The following RGS4 variants were observed in gnomAD, a reference collection of about 807,000 sequenced individuals.
RGS4 encodes regulator of G protein signaling 4.
RGS4 carries 15 observed loss-of-function variants against 21.6 expected under a neutral mutation model. That is an observed-to-expected ratio of 0.69 (90% CI 0.46 to 1.07). The LOEUF is 1.07. RGS4 is among the 50% of genes least tolerant of loss of function. The pLI is 0.00. For synonymous variants in RGS4, 94 were observed against 85.5 expected (o/e 1.10, Z -0.55); for missense variants, 237 against 239.0 (o/e 0.99, Z 0.06).
chr1:163,075,368 C>T lies in RGS4; in HGVS notation c.*808C>T, dbSNP rs886672068. ...CATGCTTGATTTGACCACTGACAGC[C>T]TCCACCTTGAGCACTATTCTAAGGA... On this transcript the variant is annotated 3_prime_UTR_variant, in exon 5 of 5. Coordinates refer to ENST00000367909, the MANE Select transcript of RGS4 (RefSeq NM_005613.6). The T allele has an allele frequency of 3.3e-5, 5 of 152,416 alleles. No homozygotes were observed. Among genetic ancestry groups the T allele is most frequent in the Admixed American group, 3.3e-4 (5 of 15,288 alleles). The allele number at this position is 152,416 out of a possible 1,614,324, so 9.4% of individuals were successfully genotyped here.
Position 163,072,853 on chromosome 1 carries a change from G to C in RGS4, c.198G>C (p.Leu66=). The C allele has an allele frequency of 6.2e-7, 1 of 1,613,060 alleles. No homozygotes were observed. The highest frequency in any genetic ancestry group is 8.5e-7 in the Non-Finnish European group (1 of 1,179,358). Residue 66 remains leucine (L), a synonymous_variant, in exon 3 of 5, where the codon CTG becomes CTC. Coordinates refer to ENST00000367909, the MANE Select transcript of RGS4 (RefSeq NM_005613.6). ...AATGGGCTGAATCACTGGAAAACCT[G>C]ATTAGTCATGAATGTAAGTCTGACA... The part of the protein sequence containing the change: ...VKKWAESLEN[L]ISHECGLAAF...
intron 4 of RGS4, 125 bp from the exon 5 acceptor site, chr1:163,074,196 C>T (rs1488368905): frequency 8.2e-7 from 1 of 1,224,780 alleles, no homozygotes; most frequent in African/African-American, 1.5e-5. Context: ...ACCCCAATGT[C>T]ACTTTTGTTT....
chr1:163,070,206 T>C (rs1655255665), intron 1 of RGS4, among the ~76,000 whole-genome samples: 1 of 152,188 alleles, frequency 6.6e-6, no homozygotes, highest in Non-Finnish European at 1.5e-5. Flanking sequence ...TTTGTTAATA[T>C]ACTCCCTTGA....
intron 3 of RGS4, among the ~76,000 whole-genome samples, chr1:163,073,144 C>G (rs1024063737): frequency 5.3e-5 from 8 of 152,174 alleles, no homozygotes; most frequent in Admixed American, 3.3e-4. Context: ...TACCTTCTTG[C>G]AAAATCAATC....
At chr1:163,069,168 T>C (rs1655217353), upstream of RGS4, 1 of 1,499,614 alleles carries the variant, frequency 6.7e-7, no homozygotes, top group South Asian at 1.4e-5. Context: ...TTTTTTCCCA[T>C]ATCCCTACTT....
chr1:163,074,723 A>T lies in RGS4; in HGVS notation c.*163A>T, dbSNP rs568575440. The T allele has an allele frequency of 3.8e-6, 4 of 1,043,874 alleles. No homozygotes were observed. Among genetic ancestry groups the T allele is most frequent in the Non-Finnish European group, 5.8e-6 (4 of 690,000 alleles). The allele number at this position is 1,043,874 out of a possible 1,614,324, so 64.7% of individuals were successfully genotyped here. On this transcript the variant is annotated 3_prime_UTR_variant, in exon 5 of 5. Coordinates refer to ENST00000367909, the MANE Select transcript of RGS4 (RefSeq NM_005613.6). ...TCACTTCTACGCATAAACTAGATATAGCTTTTGGTGTTTGAGTGTTCATCA... is the reference window on the plus strand; with the variant it reads ...TCACTTCTACGCATAAACTAGATATTGCTTTTGGTGTTTGAGTGTTCATCA...
At position 163,076,354 on chromosome 1, in the gene RGS4, C is replaced by A. The variant is rs1186685501; in HGVS notation, c.*1794C>A. On this transcript the variant is annotated 3_prime_UTR_variant, in exon 5 of 5. Coordinates refer to ENST00000367909, the MANE Select transcript of RGS4 (RefSeq NM_005613.6). ...AAAGATGCAGGTTTTCTAATTGTAC[C>A]CTTCTTGTCTCTCTGGCAATCTTGC... 6.6e-6 allele frequency: 1 copy of A among 152,466 alleles called. No individual in the cohort carries two copies. The highest frequency in any genetic ancestry group is 1.5e-5 in the Non-Finnish European group (1 of 68,004). The allele number at this position is 152,466 out of a possible 1,614,324, so 9.4% of individuals were successfully genotyped here.
chr1:163,069,047 T>G, upstream of RGS4: 1 of 1,555,008 alleles, frequency 6.4e-7, no homozygotes, highest in Non-Finnish European at 8.7e-7. Context: ...ACTTCCTTGA[T>G]ATTTTTTTTT....
upstream of RGS4, chr1:163,069,001 C>T (rs1429185355): frequency 6.2e-7 from 1 of 1,601,088 alleles, no homozygotes. Context: ...AAGTAAGCTC[C>T]AGAATTCCTG....
chr1:163,073,456 G>A lies in RGS4; in HGVS notation c.212G>A (p.Cys71Tyr), dbSNP rs754912049. 5 of 1,572,428 alleles carry A rather than the reference G, an allele frequency of 3.2e-6. No homozygotes were observed. Among genetic ancestry groups the A allele is most frequent in the East Asian group, 2.3e-5 (1 of 44,212 alleles). The change falls in exon 4 of 5, where the codon TGT (cysteine) becomes TAT (tyrosine). Residue 71 changes from cysteine (C) to tyrosine (Y), a missense_variant and splice_region_variant. Coordinates refer to ENST00000367909, the MANE Select transcript of RGS4 (RefSeq NM_005613.6). Reference protein sequence around the residue: ...ESLENLISHECGLAAFKAFLK... With the variant: ...ESLENLISHEYGLAAFKAFLK... ...TGTGGTCCTTTCTCCTGTATCATAGGTGGGCTGGCAGCTTTCAAAGCTTTC... is the reference window on the plus strand; with the variant it reads ...TGTGGTCCTTTCTCCTGTATCATAGATGGGCTGGCAGCTTTCAAAGCTTTC...
chr1:163,073,313 C>T (rs1189283079), intron 3 of RGS4, 143 bp from the exon 4 acceptor site: 1 of 622,696 alleles, frequency 1.6e-6, no homozygotes, highest in East Asian at 2.9e-5. Context: ...TACCTGACTC[C>T]AGGTGACTTG....
rs758263807 is a variant in RGS4, at chr1:163,072,886, G to T, written c.211+20G>T. The T allele has an allele frequency of 6.2e-7, 1 of 1,603,488 alleles. No homozygotes were observed. Among genetic ancestry groups the T allele is most frequent in the Non-Finnish European group, 8.5e-7 (1 of 1,170,992 alleles). ...ATGAATGTAAGTCTGACAGCAACCT[G>T]GGATGAGGTACTCTGGATAAGACAA... On this transcript the variant is annotated intron_variant, in intron 3 of 4. Transcript: ENST00000367909.
chr1:163,069,157 A>AT (rs1571157908), upstream of RGS4: 14 of 1,495,982 alleles, frequency 9.4e-6, no homozygotes, highest in East Asian at 3.2e-4. Context: ...CATTGAGTAC[A>AT]TTTTTTCCCA....
rs1446466315 is a variant in RGS4, at chr1:163,075,051, A to G, written c.*491A>G. 1 of 241,794 alleles carries G rather than the reference A, an allele frequency of 4.1e-6. No homozygotes were observed. The highest frequency in any genetic ancestry group is 8.0e-6 in the Non-Finnish European group (1 of 124,250). The allele number at this position is 241,794 out of a possible 1,614,324, so 15.0% of individuals were successfully genotyped here. ...TATACATTAGACACACATATACATT[A>G]TTTCTGTATATAGATGTCTGTGTAT... On this transcript the variant is annotated 3_prime_UTR_variant, in exon 5 of 5. Transcript: ENST00000367909.
intron 4 of RGS4, 67 bp downstream of exon 4, chr1:163,073,689 G>A (rs1339532601): frequency 9.8e-7 from 1 of 1,024,336 alleles, no homozygotes; most frequent in Non-Finnish European, 1.4e-6. Context: ...TTTGATACAT[G>A]CATACAATGT....
chr1:163,072,000 C>T (rs1271600941), intron 1 of RGS4: 10 of 989,330 alleles, frequency 1.0e-5, no homozygotes, highest in Non-Finnish European at 1.2e-5. Flanking sequence ...CAAGGATGTG[C>T]ATCTTTTGCC....
At chr1:163,070,452 G>T (rs968270054) in intron 1 of RGS4, 9 of 152,114 alleles carry the variant, frequency 5.9e-5, no homozygotes, top group African/African-American at 2.2e-4. Context: ...ATTTTATTTT[G>T]GAAATAATCT....
Position 163,075,695 on chromosome 1 carries a change from G to A in RGS4, c.*1135G>A, listed in dbSNP as rs1452911114. On this transcript the variant is annotated 3_prime_UTR_variant, in exon 5 of 5. Coordinates refer to ENST00000367909, the MANE Select transcript of RGS4 (RefSeq NM_005613.6). ...TTCTCATTTTTTCCTGAGAACCTTA[G>A]CCATCAGATGAGGCTCCTTAGTTTA... 1.3e-5 allele frequency: 2 copies of A among 152,048 alleles called. No individual in the cohort carries two copies. Among genetic ancestry groups the A allele is most frequent in the African/African-American group, 2.4e-5 (1 of 41,376 alleles). 9.4% of individuals were successfully genotyped at this position (152,048 alleles called of 1,614,324 possible). A position where few individuals can be genotyped will look rare whatever the true frequency, so the allele number is the denominator to read the frequency against.
At chr1:163,069,140 G>T, upstream of RGS4, 6 of 1,499,688 alleles carry the variant, frequency 4.0e-6, 1 homozygote, top group Non-Finnish European at 5.3e-6. Context: ...TCTGACATTG[G>T]TGGAGACATT....
Sources: gnomAD v4.1 joint callset for allele counts (sites outside exome capture counted in the v4.1 genomes callset) on GRCh38, gnomAD v4.1.1 for gene constraint, MANE v1.5 for transcripts, NCBI Gene and HGNC (gene_info 2026-07-23, HGNC 2026-07-21) for gene names.